ENOSF1: variants seen among roughly 807,000 people sequenced by gnomAD.
ENOSF1 encodes the protein mitochondrial enolase superfamily member 1.
In ENOSF1, 73 loss-of-function variants were observed where a neutral mutation model predicts 68.2. The observed-to-expected ratio is 1.07, with a 90% confidence interval of 0.89 to 1.30. The LOEUF (loss-of-function observed/expected upper bound fraction) is 1.30. Among genes scored for constraint, ENOSF1 ranks in the 50% most tolerant of loss-of-function variants. ENOSF1 has a pLI of 0.00. For synonymous variants in ENOSF1, 223 were observed against 210.4 expected (o/e 1.06, Z -0.52); for missense variants, 589 against 554.5 (o/e 1.06, Z -0.62).
At chr18:694,474 CAG>C in intron 3 of ENOSF1, 140 bp from the exon 4 acceptor site, 1 of 720,492 alleles carries the variant, frequency 1.4e-6, no homozygotes, top group South Asian at 1.8e-5. Context: ...CTACTGAAAA[CAG>C]AGAAATGAGC....
intron 3 of ENOSF1, among the ~76,000 whole-genome samples, chr18:696,365 C>T (rs1176132825): frequency 6.6e-6 from 1 of 151,978 alleles, no homozygotes; most frequent in Non-Finnish European, 1.5e-5. Context: ...GCGCCCGCCA[C>T]CATGCCCGGC....
At chr18:694,041 G>T (rs1171418535) in intron 4 of ENOSF1, 133 bp from the exon 5 acceptor site, 1 of 1,082,982 alleles carries the variant, frequency 9.2e-7, no homozygotes, top group Non-Finnish European at 1.4e-6. Context: ...ACTGCTGCCT[G>T]CGCCTTCCGC....
Position 671,409 on chromosome 18 carries a change from T to C in ENOSF1, c.*2896A>G, listed in dbSNP as rs563523034. 6 of 1,613,270 alleles carry C rather than the reference T, an allele frequency of 3.7e-6. No individual in the cohort carries two copies. In the South Asian group the frequency reaches 5.5e-5, roughly 15 times the overall value. On this transcript the variant is annotated 3_prime_UTR_variant, in exon 16 of 16. Transcript: ENST00000647584. ...GTGACTTTATACACACTTTGGGAGA[T>C]GCACATATTTACCTGAATCACATCG... is the stretch of plus-strand genomic sequence containing the variant.
At chr18:685,805 T>C (rs182919491) in intron 10 of ENOSF1, 116 bp downstream of exon 10, 1 of 835,118 alleles carries the variant, frequency 1.2e-6, no homozygotes, top group Middle Eastern at 2.2e-4. Context: ...ACCACAGAAG[T>C]GTACTTCCTC....
intron 9 of ENOSF1, chr18:687,065 C>T (rs1455555811): frequency 6.6e-6 from 1 of 152,256 alleles, no homozygotes; most frequent in South Asian, 2.1e-4. Context: ...ACAGCACTTA[C>T]AGCAGCTGCT....
At chr18:664,231 A>C in the ENOSF1 span, among the ~76,000 whole-genome samples, 19 of 152,120 alleles carry the variant, frequency 1.2e-4, no homozygotes, top group South Asian at 4.0e-3. Context: ...GAGGTCCTTC[A>C]CATCCCTTTT....
At chr18:688,715 C>A in intron 8 of ENOSF1, 107 bp from the exon 9 acceptor site, 1 of 961,676 alleles carries the variant, frequency 1.0e-6, no homozygotes, top group Admixed American at 1.8e-5. Context: ...ATAGCATAGA[C>A]CAGAGTAACA....
Position 691,296 on chromosome 18 carries a change from G to C in ENOSF1, c.424-20C>G. 6.3e-7 allele frequency: 1 copy of C among 1,596,922 alleles called. No homozygotes were observed. ...GGGATCCTGGCAACGTGACAGGAGG[G>C]GAAGAGGCCTGAATCAATTATAAGG... On this transcript the variant is annotated intron_variant, in intron 5 of 15. Transcript: ENST00000647584.
Position 673,596 on chromosome 18 carries a change from T to G in ENOSF1, c.*709A>C, listed in dbSNP as rs1051704834. ...TAAGTAAACATGTGCTGTATTCTGG[T>G]TTGGATGCTACTTAAAAGAGTATAT... On this transcript the variant is annotated 3_prime_UTR_variant, in exon 16 of 16. Coordinates refer to ENST00000647584, the MANE Select transcript of ENOSF1 (RefSeq NM_017512.7). 5.6e-6 allele frequency: 1 copy of G among 179,818 alleles called. No individual in the cohort carries two copies. The highest frequency in any genetic ancestry group is 2.4e-5 in the African/African-American group (1 of 42,382). The allele number at this position is 179,818 out of a possible 1,614,324, so 11.1% of individuals were successfully genotyped here.
At chr18:690,097 C>G (rs1160816402) in intron 8 of ENOSF1, among the ~76,000 whole-genome samples, 5 of 152,068 alleles carry the variant, frequency 3.3e-5, no homozygotes, top group Non-Finnish European at 5.9e-5. Context: ...CCCTGTGTGT[C>G]TCTTCAGTTT....
intron 8 of ENOSF1, among the ~76,000 whole-genome samples, chr18:689,517 G>C (rs1038216751): frequency 1.1e-4 from 17 of 152,220 alleles, no homozygotes; most frequent in African/African-American, 3.9e-4. Context: ...TCTGACCTCA[G>C]GTGATCCACC....
chr18:680,822 A>G (rs1486884207), intron 11 of ENOSF1, among the ~76,000 whole-genome samples: 2 of 149,844 alleles, frequency 1.3e-5, no homozygotes, highest in African/African-American at 2.5e-5. Context: ...CTGGGATTAC[A>G]GGCACACATC....
At chr18:697,476 C>A in intron 2 of ENOSF1, 121 bp from the exon 3 acceptor site, 2 of 760,128 alleles carry the variant, frequency 2.6e-6, no homozygotes, top group African/African-American at 1.7e-5. Context: ...CTAGGCCAGG[C>A]GCGGTGGCTC....
Position 671,005 on chromosome 18 carries a change from C to T in ENOSF1, c.*3300G>A. 1 of 1,065,368 alleles carries T rather than the reference C, an allele frequency of 9.4e-7. No homozygotes were observed. The highest frequency in any genetic ancestry group is 2.8e-5 in the Admixed American group (1 of 36,032). 66.0% of individuals were successfully genotyped at this position (1,065,368 alleles called of 1,614,324 possible). On this transcript the variant is annotated 3_prime_UTR_variant, in exon 16 of 16. Coordinates refer to ENST00000647584, the MANE Select transcript of ENOSF1 (RefSeq NM_017512.7). Reference sequence around the variant, plus strand: ...TATGTGTAAGTAAGAAATGAACCAGCTTTTACTTTGAAACCTTCCTCTTCT... The same window carrying T: ...TATGTGTAAGTAAGAAATGAACCAGTTTTTACTTTGAAACCTTCCTCTTCT...
rs1399081506 is a variant in ENOSF1, at chr18:696,129, C to G, written c.309+1111G>C. On this transcript the variant is annotated intron_variant, in intron 3 of 15. Transcript: ENST00000647584. Reference sequence around the variant, plus strand: ...TCAAATACCAAACACATAAAAGGTACCATGGTCTTCCATCTTTTTAAATTT... The same window carrying G: ...TCAAATACCAAACACATAAAAGGTAGCATGGTCTTCCATCTTTTTAAATTT... 2.6e-5 allele frequency among the ~76,000 whole-genome samples: 4 copies of G among 151,940 alleles called. No individual in the cohort carries two copies. The South Asian group carries it at 8.3e-4, about 32-fold the overall frequency.
chr18:694,171 G>T, intron 4 of ENOSF1, 77 bp downstream of exon 4: 1 of 1,432,440 alleles, frequency 7.0e-7, no homozygotes, highest in Non-Finnish European at 9.7e-7. Context: ...CAGTGTGTCT[G>T]TCTTTCCTCT....
intron 2 of ENOSF1, among the ~76,000 whole-genome samples, chr18:705,176 G>A (rs1042337583): frequency 6.6e-6 from 1 of 152,196 alleles, no homozygotes; most frequent in Non-Finnish European, 1.5e-5. Context: ...TGAGAGCGCT[G>A]ATGGTGCAAA....
At chr18:670,197 TG>T (rs1450232195), downstream of ENOSF1, 2 of 153,362 alleles carry the variant, frequency 1.3e-5, no homozygotes, top group African/African-American at 4.8e-5. Context: ...CGCGAATTTT[TG>T]TATTTTTAGC....
In ENOSF1 at chr18:691,233, G is replaced by A. The variant is rs760922806; in HGVS notation, c.467C>T (p.Thr156Ile). The change falls in exon 6 of 16, where the codon ACT becomes ATT. Residue 156 changes from threonine to isoleucine, a missense_variant. Physicochemically the swap from Thr to Ile is moderately conservative, Grantham distance 89. Coordinates refer to ENST00000647584, the MANE Select transcript of ENOSF1 (RefSeq NM_017512.7). ...LVSCIDFRYITDVLTEEDALE... is the reference protein window; with the variant it reads ...LVSCIDFRYIIDVLTEEDALE... ...GGCATCCTCCTCAGTCAGGACATCA[G>A]TGATGTACCTGAAATCTATGCAGGA... 4.3e-6 allele frequency: 7 copies of A among 1,614,056 alleles called. No homozygotes were observed. The highest frequency in any genetic ancestry group is 5.9e-6 in the Non-Finnish European group (7 of 1,180,030).
Sources: allele counts gnomAD v4.1 joint callset (sites outside exome capture counted in the v4.1 genomes callset), GRCh38; gene constraint gnomAD v4.1.1; transcripts MANE v1.5; gene names NCBI Gene and HGNC (gene_info 2026-07-23, HGNC 2026-07-21).